PLA2G4A: variants seen among roughly 807,000 people sequenced by gnomAD.
The protein encoded by PLA2G4A is phospholipase A2 group IVA.
A neutral mutation model predicts 81.9 loss-of-function variants in PLA2G4A; 40 were observed. The observed-to-expected ratio is 0.49, with a 90% confidence interval of 0.38 to 0.64. The LOEUF is 0.64. Ranked by LOEUF, PLA2G4A falls within the 30% of genes least tolerant of loss-of-function variation. The pLI, the probability that PLA2G4A is intolerant of heterozygous loss-of-function variation, is 0.00. For synonymous variants in PLA2G4A, 302 were observed against 296.9 expected (o/e 1.02, Z -0.18); for missense variants, 715 against 905.1 (o/e 0.79, Z 2.69).
intron 5 of PLA2G4A, among the ~76,000 whole-genome samples, chr1:186,898,952 T>G (rs1654444111): frequency 6.6e-6 from 1 of 152,202 alleles, no homozygotes; most frequent in South Asian, 2.1e-4. Context: ...CCTCACTATG[T>G]GGTAGACACT....
chr1:186,864,409 T>C (rs1028287137), intron 2 of PLA2G4A, among the ~76,000 whole-genome samples: 1 of 152,152 alleles, frequency 6.6e-6, no homozygotes, highest in African/African-American at 2.4e-5. Context: ...CAAATTTAGT[T>C]TTCCACCAAC....
chr1:186,982,817 G>A lies in PLA2G4A; in HGVS notation c.2118+3345G>A, dbSNP rs1012645296. Among the ~76,000 whole-genome samples the A allele has an allele frequency of 3.3e-5, 5 of 152,174 alleles. No individual in the cohort carries two copies. In the South Asian group the frequency reaches 8.3e-4, roughly 25 times the overall value. On this transcript the variant is annotated intron_variant, in intron 17 of 17. Coordinates refer to ENST00000367466, the MANE Select transcript of PLA2G4A (RefSeq NM_024420.3). ...TTTGGGGCCGGGCGCCGTGGTTCAC[G>A]CCTATAATCCCAGCACTTTGGGAGG...
chr1:186,977,762 T>C lies in PLA2G4A; in HGVS notation c.1934T>C (p.Ile645Thr). Residue 645 changes from isoleucine (I) to threonine (T), a missense_variant, in exon 16 of 18, where the codon ATC becomes ACC. Coordinates refer to ENST00000367466, the MANE Select transcript of PLA2G4A (RefSeq NM_024420.3). ...ATCATCCACTTTGTTCTGGCCAACA[T>C]CAACTTCAGAAAGTACAGGGCTCCA... Reference protein sequence around the residue: ...PTIIHFVLANINFRKYRAPGV... With the variant: ...PTIIHFVLANTNFRKYRAPGV... 1.2e-6 allele frequency: 2 copies of C among 1,613,052 alleles called. No homozygotes were observed. The highest frequency in any genetic ancestry group is 1.7e-6 in the Non-Finnish European group (2 of 1,179,038).
chr1:186,963,408 A>G (rs1450091049), intron 14 of PLA2G4A, among the ~76,000 whole-genome samples: 2 of 152,224 alleles, frequency 1.3e-5, no homozygotes, highest in Admixed American at 6.5e-5. Flanking sequence ...TACTGTTTGT[A>G]AATACTTATT....
intron 2 of PLA2G4A, among the ~76,000 whole-genome samples, chr1:186,862,954 G>A (rs77079247): frequency 0.018 from 2,725 of 152,250 alleles, 68 homozygotes; most frequent in South Asian, 0.13. Context: ...TTTGTGTGAT[G>A]CTATAGATAT....
intron 10 of PLA2G4A, among the ~76,000 whole-genome samples, chr1:186,946,308 C>A (rs763464753): frequency 5.9e-5 from 9 of 152,056 alleles, no homozygotes; most frequent in Non-Finnish European, 5.9e-5. Context: ...AAATTTATAT[C>A]TAGTTAGCAG....
At chr1:186,915,581 A>G (rs1655107664) in intron 7 of PLA2G4A, among the ~76,000 whole-genome samples, 1 of 152,184 alleles carries the variant, frequency 6.6e-6, no homozygotes, top group African/African-American at 2.4e-5. Context: ...TATGGGCAGT[A>G]GGAAGAAAGA....
chr1:186,984,815 C>T (rs2102306839), intron 17 of PLA2G4A, among the ~76,000 whole-genome samples: 1 of 152,102 alleles, frequency 6.6e-6, no homozygotes, highest in East Asian at 1.9e-4. Context: ...ACTAGGGGTA[C>T]AGCATGGAAA....
At chr1:186,866,519 G>A (rs1438589138) in intron 2 of PLA2G4A, among the ~76,000 whole-genome samples, 1 of 152,044 alleles carries the variant, frequency 6.6e-6, no homozygotes, top group Non-Finnish European at 1.5e-5. Context: ...GACAGTTGGT[G>A]TCTAGTAGAA....
chr1:186,949,179 G>A (rs10911968), intron 12 of PLA2G4A, among the ~76,000 whole-genome samples: 106,207 of 150,996 alleles, frequency 0.7, 37,960 homozygotes, highest in East Asian at 0.84. Flanking sequence ...TATTCATATC[G>A]TGAATTCTTC....
intron 2 of PLA2G4A, among the ~76,000 whole-genome samples, chr1:186,854,627 C>T (rs1462989381): frequency 2.6e-5 from 4 of 151,736 alleles, no homozygotes; most frequent in African/African-American, 9.7e-5. Flanking sequence ...ACCCAAACAC[C>T]ATAATAATAA....
Position 186,856,897 on chromosome 1 carries a change from C to T in PLA2G4A, c.33+2510C>T, listed in dbSNP as rs1046441716. ...AAGCATATGTGAAGTAGTCTGAAGG[C>T]GGGATATAATAGTACATGATTCAAG... On this transcript the variant is annotated intron_variant, in intron 2 of 17. Transcript: ENST00000367466. 2.0e-5 allele frequency among the ~76,000 whole-genome samples: 3 copies of T among 149,338 alleles called. No homozygotes were observed. The Admixed American group carries it at 2.0e-4, about 10-fold the overall frequency.
At chr1:186,928,986 G>A (rs1200581952) in intron 7 of PLA2G4A, among the ~76,000 whole-genome samples, 4 of 152,068 alleles carry the variant, frequency 2.6e-5, no homozygotes, top group Admixed American at 2.0e-4. Context: ...TATAACTTTC[G>A]TGTTATTTCT....
chr1:186,933,439 G>A lies in PLA2G4A; in HGVS notation c.695+540G>A, dbSNP rs140180778. On this transcript the variant is annotated intron_variant, in intron 8 of 17. Coordinates refer to ENST00000367466, the MANE Select transcript of PLA2G4A (RefSeq NM_024420.3). ...TATGAAATTTGTCTTTTAAATTTAGGTGGAGACTTAAAGCATCCATATGTA... is the reference window on the plus strand; with the variant it reads ...TATGAAATTTGTCTTTTAAATTTAGATGGAGACTTAAAGCATCCATATGTA... Among the ~76,000 whole-genome samples, 510 of 152,134 alleles carry A rather than the reference G, an allele frequency of 3.4e-3. 1 individual carries two copies. Among genetic ancestry groups the A allele is most frequent in the African/African-American group, 0.012 (484 of 41,518 alleles).
Position 186,965,548 on chromosome 1 carries a change from C to A in PLA2G4A, c.1719C>A (p.Ser573=), listed in dbSNP as rs1459984065. The A allele has an allele frequency of 6.2e-7, 1 of 1,613,708 alleles. No homozygotes were observed. Among genetic ancestry groups the A allele is most frequent in the African/African-American group, 1.3e-5 (1 of 75,024 alleles). The change falls in exon 15 of 18, where the codon TCC becomes TCA. Residue 573 remains serine (S), a synonymous_variant. Coordinates refer to ENST00000367466, the MANE Select transcript of PLA2G4A (RefSeq NM_024420.3). ...RPQRGVDLII[S]FDFSARPSDS... is the part of the protein sequence containing the mutation. ...AGAGAGGGGTTGATCTCATAATCTCCTTTGACTTTTCTGCAAGGCCAAGTG... is the reference window on the plus strand; with the variant it reads ...AGAGAGGGGTTGATCTCATAATCTCATTTGACTTTTCTGCAAGGCCAAGTG...
At chr1:186,973,132 A>C (rs1299288525) in intron 15 of PLA2G4A, among the ~76,000 whole-genome samples, 2 of 152,198 alleles carry the variant, frequency 1.3e-5, no homozygotes, top group Non-Finnish European at 2.9e-5. Context: ...TACCCCAAAC[A>C]TGGTGACTTA....
chr1:186,881,200 T>C (rs990931085), intron 3 of PLA2G4A, among the ~76,000 whole-genome samples: 3 of 152,052 alleles, frequency 2.0e-5, no homozygotes, highest in African/African-American at 7.2e-5. Context: ...AATGTGACTT[T>C]AGAAAGCACT....
chr1:186,910,282 A>C (rs1477289157), intron 6 of PLA2G4A, among the ~76,000 whole-genome samples: 3 of 152,184 alleles, frequency 2.0e-5, no homozygotes, highest in Non-Finnish European at 1.5e-5. Flanking sequence ...AATTAAGGTA[A>C]GGATTTTTAT....
At chr1:186,866,633 C>T (rs569990034) in intron 2 of PLA2G4A, among the ~76,000 whole-genome samples, 112 of 152,010 alleles carry the variant, frequency 7.4e-4, no homozygotes, top group African/African-American at 2.6e-3. Context: ...GCAGCAACTT[C>T]AAAAATCAAA....
Sources: allele counts gnomAD v4.1 joint callset (sites outside exome capture counted in the v4.1 genomes callset), GRCh38; gene constraint gnomAD v4.1.1; transcripts MANE v1.5; gene names NCBI Gene and HGNC (gene_info 2026-07-23, HGNC 2026-07-21).